GRM8: variants seen among roughly 807,000 people sequenced by gnomAD.
GRM8 encodes the protein glutamate metabotropic receptor 8.
In GRM8, 47 loss-of-function variants were observed where a neutral mutation model predicts 87.2. That is an observed-to-expected ratio of 0.54 (90% confidence interval 0.43 to 0.69). The LOEUF is 0.69. GRM8 is among the 30% of genes least tolerant of loss of function. GRM8 has a pLI of 0.00. For missense variants in GRM8, 1,019 were observed against 1,139.2 expected (o/e 0.89, Z 1.52); for synonymous variants, 396 against 404.5 (o/e 0.98, Z 0.25).
chr7:126,452,119 T>A (rs1425319450), intron 9 of GRM8, among the ~76,000 whole-genome samples: 2 of 151,464 alleles, frequency 1.3e-5, no homozygotes, highest in Admixed American at 1.3e-4. Context: ...AAATGATGAG[T>A]TCATGTCCTT....
chr7:126,616,016 A>C (rs111680535), intron 7 of GRM8, among the ~76,000 whole-genome samples: 1 of 151,974 alleles, frequency 6.6e-6, no homozygotes, highest in African/African-American at 2.4e-5. Flanking sequence ...AGCTCTGCAC[A>C]AAGCAGACCT....
intron 3 of GRM8, among the ~76,000 whole-genome samples, chr7:126,919,557 T>C (rs1468946824): frequency 6.6e-6 from 1 of 151,920 alleles, no homozygotes; most frequent in African/African-American, 2.4e-5. Context: ...GGTCAGGTGC[T>C]AGGGATCTGA....
intron 7 of GRM8, among the ~76,000 whole-genome samples, chr7:126,727,921 C>T (rs1409050678): frequency 6.6e-6 from 1 of 152,070 alleles, no homozygotes; most frequent in Non-Finnish European, 1.5e-5. Context: ...ATTGTATGTA[C>T]ACATGAGCAC....
chr7:126,568,303 A>T (rs1794414384), intron 8 of GRM8, among the ~76,000 whole-genome samples: 1 of 152,176 alleles, frequency 6.6e-6, no homozygotes, highest in Non-Finnish European at 1.5e-5. Flanking sequence ...AGTTACGTTA[A>T]CAGAAAGAAA....
chr7:126,649,590 T>C (rs1272323068), intron 7 of GRM8, among the ~76,000 whole-genome samples: 1 of 152,170 alleles, frequency 6.6e-6, no homozygotes, highest in African/African-American at 2.4e-5. Context: ...CCTTGACTAA[T>C]ACAGATTTTG....
chr7:127,129,848 T>C (rs916881729), intron 2 of GRM8, among the ~76,000 whole-genome samples: 1 of 152,208 alleles, frequency 6.6e-6, no homozygotes, highest in Non-Finnish European at 1.5e-5. Context: ...TTTGAAGCTA[T>C]TCAATCTCTG....
intron 3 of GRM8, among the ~76,000 whole-genome samples, chr7:127,081,783 A>G (rs554961785): frequency 3.3e-5 from 5 of 152,362 alleles, no homozygotes; most frequent in African/African-American, 1.2e-4. Context: ...ATTGCCAAGA[A>G]CAGTTTCTTT....
intron 9 of GRM8, among the ~76,000 whole-genome samples, chr7:126,479,090 A>C (rs1055836284): frequency 2.0e-5 from 3 of 152,000 alleles, no homozygotes; most frequent in Non-Finnish European, 4.4e-5. Flanking sequence ...CAACTACCTT[A>C]GCCTTTTATG....
At chr7:126,598,612 G>A (rs964449046) in intron 8 of GRM8, among the ~76,000 whole-genome samples, 2 of 151,734 alleles carry the variant, frequency 1.3e-5, no homozygotes, top group African/African-American at 2.4e-5. Flanking sequence ...ATGAATTAAG[G>A]CTGGAACAAA....
chr7:127,126,583 T>A (rs1587088832), intron 2 of GRM8, among the ~76,000 whole-genome samples: 1 of 152,044 alleles, frequency 6.6e-6, no homozygotes, highest in East Asian at 1.9e-4. Flanking sequence ...ATATAATATG[T>A]CCATGTAACA....
chr7:126,977,252 A>G (rs888962308), intron 3 of GRM8, among the ~76,000 whole-genome samples: 1 of 152,238 alleles, frequency 6.6e-6, no homozygotes, highest in Non-Finnish European at 1.5e-5. Context: ...CAAAAACATC[A>G]ATTATTTCAA....
rs542811368 is a variant in GRM8 at position 126,747,713 on chromosome 7, A to G, written c.1357+22152T>C. ...TCAGGATGCTAATAATATTCTTCCT[A>G]TTTTCTCCACTTTCATAAATACTAT... On this transcript the variant is annotated intron_variant, in intron 7 of 10. Transcript: ENST00000339582. Among the ~76,000 whole-genome samples the G allele has an allele frequency of 1.5e-3, 224 of 151,984 alleles. 4 individuals are homozygous for G. In the South Asian group the frequency reaches 0.044, roughly 30 times the overall value.
At chr7:126,748,399 C>A (rs185089180) in intron 7 of GRM8, among the ~76,000 whole-genome samples, 86 of 152,010 alleles carry the variant, frequency 5.7e-4, no homozygotes, top group African/African-American at 1.9e-3. Flanking sequence ...ACAAGACCAT[C>A]AAAAATATGA....
At chr7:126,787,785 A>G (rs1820781478) in intron 6 of GRM8, among the ~76,000 whole-genome samples, 1 of 152,030 alleles carries the variant, frequency 6.6e-6, no homozygotes, top group Admixed American at 6.6e-5. Flanking sequence ...TGGATATTCA[A>G]TATCATCTTA....
At chr7:126,996,315 G>A (rs1217273393) in intron 3 of GRM8, among the ~76,000 whole-genome samples, 1 of 152,004 alleles carries the variant, frequency 6.6e-6, no homozygotes, top group African/African-American at 2.4e-5. Flanking sequence ...CTATAACACT[G>A]TAATTGTGGT....
At position 126,992,481 on chromosome 7, in the gene GRM8, AT is replaced by A; in HGVS notation, c.728-87799del. On this transcript the variant is annotated intron_variant, in intron 3 of 10. Coordinates refer to ENST00000339582, the MANE Select transcript of GRM8 (RefSeq NM_000845.3). Reference sequence around the variant, plus strand: ...ATATATTAACAATAGGCAATTGGAAATAAAACAAAATATATTCACAACAGCA... The same window carrying A: ...ATATATTAACAATAGGCAATTGGAAAAAAACAAAATATATTCACAACAGCA... 1.3e-5 allele frequency among the ~76,000 whole-genome samples: 2 copies of A among 152,350 alleles called. 1 individual carries two copies.
chr7:127,106,637 C>T lies in GRM8; in HGVS notation c.586G>A (p.Val196Ile). 2 of 1,613,962 alleles carry T rather than the reference C, an allele frequency of 1.2e-6. No homozygotes were observed. The highest frequency in any genetic ancestry group is 8.5e-7 in the Non-Finnish European group (1 of 1,179,914). The change falls in exon 3 of 11, where the codon GTT (valine) becomes ATT (isoleucine). Residue 196 changes from valine to isoleucine, a missense_variant. Transcript: ENST00000339582. ...NTRYDFFSRV[V>I]PPDSYQAQAM... ...TGGGCTTGGTAGGAGTCAGGCGGAA[C>T]CACTCGAGAGAAAAAGTCATACCTG...
At chr7:126,868,678 C>G (rs1798819537) in intron 6 of GRM8, 2 of 152,196 alleles carry the variant, frequency 1.3e-5, no homozygotes, top group South Asian at 4.1e-4. Context: ...GTTACGTTTA[C>G]ACTGTATTAT....
intron 2 of GRM8, among the ~76,000 whole-genome samples, chr7:127,149,067 A>G (rs1350585588): frequency 6.6e-6 from 1 of 152,024 alleles, no homozygotes; most frequent in African/African-American, 2.4e-5. Flanking sequence ...CAAAAACAAA[A>G]ATAAATGAGA....
Sources: allele counts gnomAD v4.1 joint callset (sites outside exome capture counted in the v4.1 genomes callset), GRCh38; gene constraint gnomAD v4.1.1; transcripts MANE v1.5; gene names NCBI Gene and HGNC (gene_info 2026-07-23, HGNC 2026-07-21).